Variants in GRID2 observed in about 807,000 individuals in gnomAD.
GRID2 encodes the protein glutamate receptor ionotropic, delta-2.
A neutral mutation model predicts 114.8 loss-of-function variants in GRID2; 33 were observed. The ratio of observed to expected loss-of-function variants is 0.29; its 90% CI spans 0.22 to 0.38. GRID2 has a LOEUF of 0.38. Among genes scored for constraint, GRID2 ranks in the 10% least tolerant of loss-of-function variants. GRID2 has a pLI of 1.00. For missense variants in GRID2, 1,184 were observed against 1,257.7 expected, an observed-to-expected ratio of 0.94 and a Z score of 0.89; for synonymous variants, 505 against 449.9, an observed-to-expected ratio of 1.12 and a Z score of -1.55.
intron 2 of GRID2, among the ~76,000 whole-genome samples, chr4:92,594,688 C>T (rs1456719781): frequency 1.3e-5 from 2 of 151,926 alleles, no homozygotes; most frequent in African/African-American, 4.8e-5. Context: ...TGTGCTGATT[C>T]CCTTAACCTG....
chr4:93,278,505 A>G (rs1752311296), intron 8 of GRID2, among the ~76,000 whole-genome samples: 1 of 152,004 alleles, frequency 6.6e-6, no homozygotes, highest in Non-Finnish European at 1.5e-5. Flanking sequence ...GGCATGAGGA[A>G]GAAATGGTGA....
intron 2 of GRID2, among the ~76,000 whole-genome samples, chr4:92,886,525 A>G (rs1343816428): frequency 6.6e-6 from 1 of 152,180 alleles, no homozygotes; most frequent in African/African-American, 2.4e-5. Flanking sequence ...AAAATATCCA[A>G]GAAAGACCTT....
chr4:92,880,817 G>A (rs1246785192), intron 2 of GRID2, among the ~76,000 whole-genome samples: 2 of 152,108 alleles, frequency 1.3e-5, no homozygotes, highest in Non-Finnish European at 2.9e-5. Flanking sequence ...TGCCTCCCGG[G>A]TTCAAGTGAT....
chr4:93,130,798 A>AT (rs1324839903), intron 4 of GRID2, among the ~76,000 whole-genome samples: 1 of 152,184 alleles, frequency 6.6e-6, no homozygotes, highest in Non-Finnish European at 1.5e-5. Flanking sequence ...TAAATGGTAA[A>AT]TTTTTGAGGT....
At chr4:93,002,289 A>G (rs960248376) in intron 2 of GRID2, among the ~76,000 whole-genome samples, 3 of 151,746 alleles carry the variant, frequency 2.0e-5, no homozygotes, top group African/African-American at 7.3e-5. Flanking sequence ...CAAATCCAAT[A>G]TTCGATTTTT....
At chr4:92,985,413 T>C (rs1412515067) in intron 2 of GRID2, among the ~76,000 whole-genome samples, 1 of 151,798 alleles carries the variant, frequency 6.6e-6, no homozygotes, top group African/African-American at 2.4e-5. Context: ...TTTTTTTGTA[T>C]TTTTTAGTAG....
At chr4:93,121,112 C>T (rs1733744599) in intron 4 of GRID2, among the ~76,000 whole-genome samples, 1 of 151,884 alleles carries the variant, frequency 6.6e-6, no homozygotes, top group East Asian at 1.9e-4. Context: ...AAAAAGGGTG[C>T]CCTGAGTACT....
chr4:92,988,896 C>T (rs1182354219), intron 2 of GRID2, among the ~76,000 whole-genome samples: 2 of 152,146 alleles, frequency 1.3e-5, no homozygotes, highest in South Asian at 2.1e-4. Context: ...GAAACAGCCT[C>T]ATAATTAGTA....
intron 13 of GRID2, among the ~76,000 whole-genome samples, chr4:93,613,145 C>T (rs1741153231): frequency 6.7e-6 from 1 of 148,988 alleles, no homozygotes; most frequent in Admixed American, 6.7e-5. Flanking sequence ...GTTCTCGAGC[C>T]TTGGTTTTCA....
chr4:93,778,916 A>C (rs1734424686), downstream of GRID2, among the ~76,000 whole-genome samples: 1 of 152,238 alleles, frequency 6.6e-6, no homozygotes, highest in African/African-American at 2.4e-5. Context: ...AAAAATATGC[A>C]GTGCAGCAAT....
chr4:93,693,758 G>GAACACAGTAATTTCATTGTGTGAA (rs1360637497), intron 14 of GRID2, among the ~76,000 whole-genome samples: 2 of 151,896 alleles, frequency 1.3e-5, no homozygotes, highest in Non-Finnish European at 2.9e-5. Flanking sequence ...CATTGTGTGA[G>GAACACAGTAATTTCATTGTGTGAA]AACACAATAA....
chr4:92,699,567 T>C (rs1734572202), intron 2 of GRID2, among the ~76,000 whole-genome samples: 1 of 152,228 alleles, frequency 6.6e-6, no homozygotes, highest in Admixed American at 6.5e-5. Context: ...AATTTTTTAC[T>C]ATAGAGTTAG....
chr4:93,583,868 CACA>C (rs1737251839), intron 13 of GRID2, among the ~76,000 whole-genome samples: 1 of 152,016 alleles, frequency 6.6e-6, no homozygotes, highest in Non-Finnish European at 1.5e-5. Context: ...ACAACAATAG[CACA>C]ACAACAACTA....
chr4:92,981,560 C>A (rs1429794279), intron 2 of GRID2, among the ~76,000 whole-genome samples: 1 of 151,946 alleles, frequency 6.6e-6, no homozygotes, highest in Non-Finnish European at 1.5e-5. Context: ...GCCTCCATCT[C>A]TTTATATTGT....
intron 3 of GRID2, among the ~76,000 whole-genome samples, chr4:93,096,984 A>T (rs977966026): frequency 4.9e-4 from 75 of 152,028 alleles, no homozygotes; most frequent in Non-Finnish European, 1.0e-3. Flanking sequence ...GTAATGAACT[A>T]TTGAAATATG....
intron 1 of GRID2, among the ~76,000 whole-genome samples, chr4:92,582,591 A>G (rs115924415): frequency 2.0e-5 from 3 of 151,982 alleles, no homozygotes; most frequent in Non-Finnish European, 4.4e-5. Context: ...AATATGCCTA[A>G]TTAATAAAAT....
intron 11 of GRID2, among the ~76,000 whole-genome samples, chr4:93,479,104 A>G (rs1373884162): frequency 2.6e-5 from 4 of 152,002 alleles, no homozygotes; most frequent in African/African-American, 7.2e-5. Flanking sequence ...ATTTTTTTTA[A>G]TTTTCCAGTG....
intron 8 of GRID2, among the ~76,000 whole-genome samples, chr4:93,260,109 C>T (rs565993033): frequency 6.6e-6 from 1 of 151,552 alleles, no homozygotes; most frequent in Non-Finnish European, 1.5e-5. Flanking sequence ...ATAATGCATG[C>T]TTATTTTGGA....
chr4:92,827,863 T>G (rs1229466514), intron 2 of GRID2, among the ~76,000 whole-genome samples: 3 of 152,092 alleles, frequency 2.0e-5, no homozygotes, highest in Admixed American at 6.6e-5. Context: ...TCTTTCTTTT[T>G]TAAACTTGCA....
Sources: gnomAD v4.1 joint callset for allele counts (sites outside exome capture counted in the v4.1 genomes callset) on GRCh38, gnomAD v4.1.1 for gene constraint, MANE v1.5 for transcripts, NCBI Gene and HGNC (gene_info 2026-07-23, HGNC 2026-07-21) for gene names.